Variants in DSN1 observed in about 807,000 individuals in gnomAD.
The protein encoded by DSN1 is kinetochore-associated protein DSN1 homolog.
A neutral mutation model predicts 45.7 loss-of-function variants in DSN1; 31 were observed. The observed-to-expected ratio is 0.68, with a 90% CI of 0.51 to 0.92. The LOEUF (loss-of-function observed/expected upper bound fraction) is 0.92, where lower values mean the gene tolerates loss of function less well. Ranked by LOEUF, DSN1 falls within the 40% of genes least tolerant of loss-of-function variation. The probability of loss-of-function intolerance (pLI) is 0.00; values close to 1 mark genes in which losing one functional copy is unlikely to be tolerated. For missense variants in DSN1, 394 were observed against 414.2 expected (o/e 0.95, Z 0.42); for synonymous variants, 134 against 142.3 (o/e 0.94, Z 0.41).
At chr20:36,762,420 A>C (rs199780331) in intron 6 of DSN1, 41 bp downstream of exon 6, 1 of 1,586,706 alleles carries the variant, frequency 6.3e-7, no homozygotes, top group African/African-American at 1.3e-5. Context: ...CTAAAGTCCT[A>C]ATTCAATCAT....
At chr20:36,763,732 C>G (rs918422240) in intron 5 of DSN1, among the ~76,000 whole-genome samples, 1 of 151,440 alleles carries the variant, frequency 6.6e-6, no homozygotes, top group Admixed American at 6.6e-5. Flanking sequence ...ACTAAAAATA[C>G]AAAAATTAGC....
In DSN1 at chr20:36,766,785, T is replaced by C; in HGVS notation, c.486A>G (p.Glu162=). 6.2e-7 allele frequency: 1 copy of C among 1,611,180 alleles called. No individual in the cohort carries two copies. The highest frequency in any genetic ancestry group is 8.5e-7 in the Non-Finnish European group (1 of 1,179,400). Residue 162 remains glutamate, a synonymous_variant, in exon 5 of 11, where the codon GAA becomes GAG. Transcript: ENST00000373750. ...FLRDTKGFSL[E]SFRAKASSLS... The stretch of plus-strand genomic sequence containing the variant: ...GCAACTTACCTTTGGCTCTAAAACT[T>C]TCAAGACTGAAGCCCTTAGTGTCCC...
intron 6 of DSN1, among the ~76,000 whole-genome samples, 169 bp downstream of exon 6, chr20:36,762,292 A>T (rs1568693094): frequency 6.6e-6 from 1 of 151,588 alleles, no homozygotes; most frequent in Non-Finnish European, 1.5e-5. Flanking sequence ...TTTTATTTTT[A>T]GTAGAGATGG....
chr20:36,754,677 A>G, intron 10 of DSN1, 86 bp downstream of exon 10: 2 of 1,112,552 alleles, frequency 1.8e-6, no homozygotes, highest in Non-Finnish European at 2.7e-6. Flanking sequence ...ACCCTCTTGG[A>G]CCATAGGCTT....
At chr20:36,758,795 C>A (rs1276659991) in intron 6 of DSN1, among the ~76,000 whole-genome samples, 178 bp from the exon 7 acceptor site, 1 of 150,364 alleles carries the variant, frequency 6.7e-6, no homozygotes, top group South Asian at 2.1e-4. Flanking sequence ...TCAACAGATT[C>A]TCCTGCCTTA....
chr20:36,762,247 C>T (rs987053895), intron 6 of DSN1, among the ~76,000 whole-genome samples: 26 of 151,172 alleles, frequency 1.7e-4, no homozygotes, highest in African/African-American at 5.8e-4. Context: ...GTTGGGACTA[C>T]AGGCGCCTGC....
intron 8 of DSN1, 110 bp from the exon 9 acceptor site, chr20:36,755,939 T>G (rs1028675799): frequency 6.6e-6 from 8 of 1,220,848 alleles, no homozygotes; most frequent in Non-Finnish European, 8.0e-6. Flanking sequence ...CTACGCTAGC[T>G]ATAGGCTCAC....
At position 36,770,239 on chromosome 20, in the gene DSN1, T is replaced by A. The variant is rs6102176; in HGVS notation, c.355+634A>T. ...GTGCCACCATGCCCTGCTATTTTTT[T>A]AAAAACTTTTTGTAGAGATGGGGTT... On this transcript the variant is annotated intron_variant, in intron 3 of 10. Coordinates refer to ENST00000373750, the MANE Select transcript of DSN1 (RefSeq NM_001145315.2). Among the ~76,000 whole-genome samples the A allele has an allele frequency of 6.8e-3, 1,033 of 152,140 alleles. 12 individuals are homozygous for A. Among genetic ancestry groups the A allele is most frequent in the African/African-American group, 0.023 (968 of 41,486 alleles).
Position 36,762,523 on chromosome 20 carries a change from TTTCAA to T in DSN1, c.523_527del (p.Leu175ThrfsTer9). On this transcript the variant is annotated frameshift_variant, in exon 6 of 11. Coordinates refer to ENST00000373750, the MANE Select transcript of DSN1 (RefSeq NM_001145315.2). LOFTEE classifies it high-confidence loss of function. Reference sequence around the variant, plus strand: ...CAGTTTCCAGTCCGTCTGCAAAATGTTTCAATTCTTCAGAAAGAGAAGATGCTAGA... The same window carrying T: ...CAGTTTCCAGTCCGTCTGCAAAATGTTTCTTCAGAAAGAGAAGATGCTAGA... The T allele has an allele frequency of 6.2e-7, 1 of 1,613,780 alleles. No individual in the cohort carries two copies. The highest frequency in any genetic ancestry group is 1.3e-5 in the African/African-American group (1 of 75,018).
intron 5 of DSN1, among the ~76,000 whole-genome samples, chr20:36,763,775 T>G (rs1451741894): frequency 6.7e-6 from 1 of 149,320 alleles, no homozygotes; most frequent in Admixed American, 6.9e-5. Flanking sequence ...TTGTCCCAGC[T>G]ACTCAGGAGG....
At chr20:36,769,493 C>T (rs1987520229) in intron 3 of DSN1, among the ~76,000 whole-genome samples, 1 of 152,186 alleles carries the variant, frequency 6.6e-6, no homozygotes, top group African/African-American at 2.4e-5. Context: ...GTTTTCTCAG[C>T]ACATTTAGGG....
At chr20:36,771,567 T>C (rs1601029329) in intron 1 of DSN1, 94 bp from the exon 2 acceptor site, 179 of 1,189,340 alleles carry the variant, frequency 1.5e-4, no homozygotes, top group Middle Eastern at 1.9e-4. Flanking sequence ...CCGTGTGCTT[T>C]CCAGCCTCTC....
chr20:36,758,147 C>A lies in DSN1; in HGVS notation c.665G>T (p.Arg222Leu). Residue 222 changes from arginine (R) to leucine (L), a missense_variant, in exon 8 of 11, where the codon CGT (arginine) becomes CTT (leucine). Arg to Leu is a moderately radical substitution (Grantham distance 102, BLOSUM62 -2). Coordinates refer to ENST00000373750, the MANE Select transcript of DSN1 (RefSeq NM_001145315.2). ...KEYITKFSLE[R>L]QTWDQLLLHY... ...AAGCAAGAGCTGATCCCAAGTCTGA[C>A]GTTCTAAAGAAAACCTGTAAGAATC... is the stretch of plus-strand genomic sequence containing the variant. The A allele has an allele frequency of 6.2e-7, 1 of 1,613,906 alleles. No homozygotes were observed. Among genetic ancestry groups the A allele is most frequent in the South Asian group, 1.1e-5 (1 of 91,032 alleles).
At chr20:36,761,506 G>A (rs905654961) in intron 6 of DSN1, among the ~76,000 whole-genome samples, 1 of 152,122 alleles carries the variant, frequency 6.6e-6, no homozygotes, top group Non-Finnish European at 1.5e-5. Flanking sequence ...GGCAGAGGCA[G>A]GAGGATCGCT....
In DSN1 at chr20:36,763,885, CAAAAAAAAA is replaced by C. The variant is rs148628979; in HGVS notation, c.503-1346_503-1338del. On this transcript the variant is annotated intron_variant, in intron 5 of 10. Transcript: ENST00000373750. The stretch of plus-strand genomic sequence containing the variant: ...CTGGCAACAGAGCAAAACTCTGTCT[CAAAAAAAAA>C]AAAAAAAAAAAAAAAAAGAAAGACA... 5.6e-3 allele frequency among the ~76,000 whole-genome samples: 210 copies of C among 37,462 alleles called. 2 individuals are homozygous for C. Among genetic ancestry groups the C allele is most frequent in the Middle Eastern group, 0.031 (1 of 32 alleles). 24.6% of individuals were successfully genotyped at this position (37,462 alleles called of 152,430 possible).
intron 10 of DSN1, among the ~76,000 whole-genome samples, chr20:36,753,209 T>C (rs1233597795): frequency 6.7e-6 from 1 of 150,158 alleles, no homozygotes; most frequent in Admixed American, 6.6e-5. Flanking sequence ...TAGCCTAGCA[T>C]GGTCCTAGCA....
Position 36,758,152 on chromosome 20 carries a change from T to C in DSN1, c.660A>G (p.Leu220=), listed in dbSNP as rs1257018925. ...AGAGCTGATCCCAAGTCTGACGTTC[T>C]AAAGAAAACCTGTAAGAATCAGGAA... ...EMKEYITKFS[L]ERQTWDQLLL... is the part of the protein sequence containing the mutation. Residue 220 remains leucine, a synonymous_variant, in exon 8 of 11, where the codon TTA becomes TTG. Coordinates refer to ENST00000373750, the MANE Select transcript of DSN1 (RefSeq NM_001145315.2). The C allele has an allele frequency of 3.1e-6, 5 of 1,613,802 alleles. No individual in the cohort carries two copies. The Admixed American group carries it at 8.3e-5, about 27-fold the overall frequency.
At position 36,771,437 on chromosome 20, in the gene DSN1, C is replaced by T. The variant is rs35628350; in HGVS notation, c.22G>A (p.Glu8Lys). The T allele has an allele frequency of 1.1e-3, 1,716 of 1,613,848 alleles. 12 individuals carry two copies. The African/African-American group carries it at 0.019, about 18-fold the overall frequency. ...CTACAATACTTACCATCTATGATCT[C>T]TGATCTAGTCACTGAAGTCATCCTA... MTSVTRS[E>K]IIDEKGPVMS... The change falls in exon 2 of 11, where the codon GAG becomes AAG. Residue 8 changes from glutamate (E) to lysine (K), a missense_variant. Physicochemically the swap from Glu to Lys is moderately conservative, Grantham distance 56. Transcript: ENST00000373750.
chr20:36,768,143 G>T, intron 3 of DSN1, 101 bp from the exon 4 acceptor site: 1 of 1,070,738 alleles, frequency 9.3e-7, no homozygotes, highest in Admixed American at 2.1e-5. Context: ...CCAACTTAAG[G>T]CAAGAACAGC....
Sources: gnomAD v4.1 joint callset for allele counts (sites outside exome capture counted in the v4.1 genomes callset) on GRCh38, gnomAD v4.1.1 for gene constraint, MANE v1.5 for transcripts, NCBI Gene and HGNC (gene_info 2026-07-23, HGNC 2026-07-21) for gene names.